Variants in CELF2 observed in about 807,000 individuals in gnomAD.
CELF2 encodes CUGBP Elav-like family member 2, also known as CUG triplet repeat RNA-binding protein 2.
Under a neutral mutation model 62.6 loss-of-function variants are expected in CELF2, and 8 were observed. The ratio of observed to expected loss-of-function variants is 0.13; its 90% confidence interval spans 0.07 to 0.23. CELF2 has a LOEUF of 0.23. Among genes scored for constraint, CELF2 ranks in the 10% least tolerant of loss-of-function variants. The pLI is 1.00. For synonymous variants in CELF2, 258 were observed against 250.0 expected, an observed-to-expected ratio of 1.03 and a Z score of -0.30; for missense variants, 333 against 671.0, an observed-to-expected ratio of 0.50 and a Z score of 5.56.
In CELF2 at chr10:11,010,110, C is replaced by G. The variant is rs1351937901; in HGVS notation, c.53+4670C>G. 1.3e-5 allele frequency: 2 copies of G among 152,250 alleles called. No individual in the cohort carries two copies. The highest frequency in any genetic ancestry group is 2.9e-5 in the Non-Finnish European group (2 of 68,046). 9.4% of individuals were successfully genotyped at this position (152,250 alleles called of 1,614,324 possible). ...TGTTGCTCATGCTTTGCTTTGTGAA[C>G]ATCCTGGGCTGAGAGTCCAGCTCTC... On this transcript the variant is annotated intron_variant, in intron 1 of 12. Transcript: ENST00000416382. The surrounding 1 kb of genome is among the most constrained non-coding windows in gnomAD (Gnocchi z 4.1).
At chr10:11,030,040 C>T (rs1358911651) in intron 1 of CELF2, among the ~76,000 whole-genome samples, 4 of 152,164 alleles carry the variant, frequency 2.6e-5, no homozygotes, top group Non-Finnish European at 5.9e-5. Flanking sequence ...AAGTAATAAT[C>T]GTGCAGACCC....
rs2065491135 is a variant in CELF2, at chr10:10,926,632, C to T, written c.89+6633C>T. On this transcript the variant is annotated intron_variant, in intron 2 of 13. Coordinates refer to the CELF2 transcript ENST00000636488. ...CCAGCCGTCACGTGGGGACCATGTC[C>T]ATCTTCTTCCATGGGACTGTTTTTT... 2.0e-5 allele frequency among the ~76,000 whole-genome samples: 3 copies of T among 152,188 alleles called. 1 individual carries two copies. In the South Asian group the frequency reaches 6.2e-4, roughly 32 times the overall value.
At chr10:10,758,340 C>T in the CELF2 span, among the ~76,000 whole-genome samples, 26 of 152,290 alleles carry the variant, frequency 1.7e-4, no homozygotes, top group South Asian at 4.8e-3. Context: ...TGGGCTTTGC[C>T]TGTCACCTTT....
At chr10:11,126,092 A>C (rs754877679) in intron 1 of CELF2, among the ~76,000 whole-genome samples, 29 of 152,218 alleles carry the variant, frequency 1.9e-4, no homozygotes, top group Non-Finnish European at 4.0e-4. Flanking sequence ...ACCTCCTTTG[A>C]GTAGTCAAGA....
intron 1 of CELF2, among the ~76,000 whole-genome samples, chr10:11,121,694 TA>T (rs2057775257): frequency 6.6e-6 from 1 of 150,886 alleles, no homozygotes; most frequent in Non-Finnish European, 1.5e-5. Context: ...AAGAGGCTAG[TA>T]TTTTTTTTGT....
chr10:10,557,335 G>T, the CELF2 span, among the ~76,000 whole-genome samples: 2 of 151,784 alleles, frequency 1.3e-5, no homozygotes, highest in African/African-American at 4.9e-5. Flanking sequence ...TCAAAGATCA[G>T]ATAGTTGTGG....
At chr10:10,775,119 C>T in the CELF2 span, among the ~76,000 whole-genome samples, 1 of 152,118 alleles carries the variant, frequency 6.6e-6, no homozygotes, top group African/African-American at 2.4e-5. Flanking sequence ...TCAGGTGATC[C>T]ACCGGCCTCA....
At chr10:10,695,972 G>A in the CELF2 span, among the ~76,000 whole-genome samples, 3,540 of 151,772 alleles carry the variant, frequency 0.023, 80 homozygotes, top group Non-Finnish European at 0.037. Context: ...GTAGCTCAGA[G>A]TAATTTGATC....
chr10:10,866,662 A>G (rs2060391319), intron 1 of CELF2, among the ~76,000 whole-genome samples: 1 of 151,706 alleles, frequency 6.6e-6, no homozygotes, highest in Non-Finnish European at 1.5e-5. Context: ...GCAGCTAATA[A>G]AATTGTGGTG....
At chr10:10,630,903 A>G in the CELF2 span, among the ~76,000 whole-genome samples, 1 of 152,206 alleles carries the variant, frequency 6.6e-6, no homozygotes, top group South Asian at 2.1e-4. Context: ...TTCCCCATGC[A>G]CATTAAGGAG....
At chr10:10,810,788 G>A (rs567808205) in intron 1 of CELF2, among the ~76,000 whole-genome samples, 1 of 152,222 alleles carries the variant, frequency 6.6e-6, no homozygotes, top group Non-Finnish European at 1.5e-5. Flanking sequence ...GAAGTGGGTA[G>A]AGTGAGTGCC....
chr10:10,774,974 G>T, the CELF2 span, among the ~76,000 whole-genome samples: 1 of 151,880 alleles, frequency 6.6e-6, no homozygotes, highest in Non-Finnish European at 1.5e-5. Context: ...CACCTCCCAG[G>T]TTCAAGCAAT....
chr10:11,284,946 A>T (rs2090686248), intron 8 of CELF2, among the ~76,000 whole-genome samples: 1 of 148,948 alleles, frequency 6.7e-6, no homozygotes, highest in South Asian at 2.2e-4. Context: ...GGGTGGGAGC[A>T]TCTATTCCAC....
chr10:10,464,958 G>A, the CELF2 span, among the ~76,000 whole-genome samples: 1 of 152,132 alleles, frequency 6.6e-6, no homozygotes, highest in African/African-American at 2.4e-5. Flanking sequence ...ACAGGCTCAA[G>A]AGAAAAATTT....
upstream of CELF2, among the ~76,000 whole-genome samples, chr10:11,015,805 G>A (rs1348164013): frequency 6.6e-6 from 1 of 152,162 alleles, no homozygotes; most frequent in Non-Finnish European, 1.5e-5. The surrounding 1 kb of genome is among the most constrained non-coding windows in gnomAD (Gnocchi z 4.8). Context: ...AAACTGCTGA[G>A]AAGGCTTAAG....
chr10:10,905,039 A>G (rs1195607158), intron 1 of CELF2, among the ~76,000 whole-genome samples: 2 of 152,172 alleles, frequency 1.3e-5, no homozygotes, highest in Non-Finnish European at 2.9e-5. Context: ...AACTGTTCAC[A>G]TTAGAGTTGG....
intron 1 of CELF2, among the ~76,000 whole-genome samples, chr10:11,138,021 A>G (rs1020785954): frequency 6.6e-6 from 1 of 152,196 alleles, no homozygotes; most frequent in East Asian, 1.9e-4. Context: ...AAAATGGGGG[A>G]AAAACAGATT....
chr10:10,909,901 T>C (rs982302389), intron 1 of CELF2, among the ~76,000 whole-genome samples: 3 of 146,310 alleles, frequency 2.1e-5, no homozygotes, highest in Non-Finnish European at 3.0e-5. Flanking sequence ...ATATCCAGCA[T>C]GTAGAGATGG....
intron 2 of CELF2, among the ~76,000 whole-genome samples, chr10:11,186,425 T>C (rs1026008100): frequency 6.6e-6 from 1 of 152,108 alleles, no homozygotes; most frequent in Non-Finnish European, 1.5e-5. Context: ...GGTTACTGAT[T>C]TGAAATCTTT....
Sources: gnomAD v4.1 joint callset for allele counts (sites outside exome capture counted in the v4.1 genomes callset) on GRCh38, gnomAD v4.1.1 for gene constraint, Gnocchi (gnomAD v3.1) non-coding constraint, MANE v1.5 for transcripts, NCBI Gene and HGNC (gene_info 2026-07-23, HGNC 2026-07-21) for gene names.